Variants in MBNL1 observed in about 807,000 individuals in gnomAD.
MBNL1 encodes the protein muscleblind like splicing regulator 1, also known as muscleblind-like protein 1.
A neutral mutation model predicts 42.2 loss-of-function variants in MBNL1; 8 were observed. The observed-to-expected ratio is 0.19, with a 90% CI of 0.11 to 0.34. The LOEUF is 0.34. Among genes scored for constraint, MBNL1 ranks in the 10% least tolerant of loss-of-function variants. The pLI is 1.00. For missense variants in MBNL1, 309 were observed against 495.3 expected (o/e 0.62, Z 3.57); for synonymous variants, 169 against 173.9 (o/e 0.97, Z 0.22).
At chr3:152,425,972 A>G (rs2098923997) in intron 3 of MBNL1, among the ~76,000 whole-genome samples, 1 of 152,220 alleles carries the variant, frequency 6.6e-6, no homozygotes, top group African/African-American at 2.4e-5. Flanking sequence ...GATAGACTGG[A>G]TAAAGAAAAT....
intron 1 of MBNL1, among the ~76,000 whole-genome samples, chr3:152,283,374 G>A (rs1360197968): frequency 6.6e-6 from 1 of 152,122 alleles, no homozygotes; most frequent in African/African-American, 2.4e-5. Flanking sequence ...CATCAGATAG[G>A]ACTGTTGTTG....
At chr3:152,430,590 A>C (rs761097455) in intron 3 of MBNL1, among the ~76,000 whole-genome samples, 5 of 152,224 alleles carry the variant, frequency 3.3e-5, no homozygotes, top group Non-Finnish European at 7.3e-5. Flanking sequence ...ATGTATAACA[A>C]AGTACAAGTT....
At chr3:152,420,326 C>G (rs1428724622) in intron 3 of MBNL1, among the ~76,000 whole-genome samples, 1 of 152,202 alleles carries the variant, frequency 6.6e-6, no homozygotes. Flanking sequence ...GACTGGGAGA[C>G]ACCTCCCAGC....
chr3:152,250,822 G>A (rs941279571), intron 2 of MBNL1, among the ~76,000 whole-genome samples: 3 of 151,802 alleles, frequency 2.0e-5, no homozygotes, highest in East Asian at 1.9e-4. Context: ...GAGAGTTTTT[G>A]GCATGAAGGG....
At chr3:152,255,830 G>A (rs1025179706) in intron 2 of MBNL1, among the ~76,000 whole-genome samples, 2 of 152,108 alleles carry the variant, frequency 1.3e-5, no homozygotes, top group African/African-American at 4.8e-5. Context: ...ACAGTGAGAG[G>A]ATTGAGAGCA....
chr3:152,445,464 A>G lies in MBNL1; in HGVS notation c.732A>G (p.Gln244=), dbSNP rs1278417709. ...CKYFHPPAHL[Q]AKIKAAQYQV... Reference sequence around the variant, plus strand: ...ACTTTCATCCCCCTGCACATTTGCAAGCCAAGATCAAGGCTGCCCAATACC... The same window carrying G: ...ACTTTCATCCCCCTGCACATTTGCAGGCCAAGATCAAGGCTGCCCAATACC... Residue 244 remains glutamine (Q), a synonymous_variant, in exon 5 of 10, where the codon CAA becomes CAG. Transcript: ENST00000324210. The G allele has an allele frequency of 6.2e-7, 1 of 1,613,488 alleles. No homozygotes were observed. The highest frequency in any genetic ancestry group is 8.5e-7 in the Non-Finnish European group (1 of 1,179,574).
intron 2 of MBNL1, among the ~76,000 whole-genome samples, chr3:152,357,387 T>C (rs191499049): frequency 6.6e-6 from 1 of 152,350 alleles, no homozygotes; most frequent in Non-Finnish European, 1.5e-5. Context: ...CCATGATTAC[T>C]TCAAATGGCT....
intron 2 of MBNL1, among the ~76,000 whole-genome samples, chr3:152,383,469 A>G (rs1251362521): frequency 1.3e-5 from 2 of 152,090 alleles, no homozygotes; most frequent in Non-Finnish European, 1.5e-5. Flanking sequence ...AACAACAAAG[A>G]TATGAAAACC....
intron 2 of MBNL1, among the ~76,000 whole-genome samples, chr3:152,341,820 C>T (rs1305616646): frequency 6.6e-6 from 1 of 151,848 alleles, no homozygotes; most frequent in Non-Finnish European, 1.5e-5. Context: ...AGGGATGAGC[C>T]CAGATAGTGA....
intron 4 of MBNL1, among the ~76,000 whole-genome samples, chr3:152,444,595 T>C (rs911552706): frequency 1.3e-5 from 2 of 152,218 alleles, no homozygotes; most frequent in African/African-American, 2.4e-5. Flanking sequence ...ATTAATATCT[T>C]ACATAACTGT....
intron 2 of MBNL1, among the ~76,000 whole-genome samples, chr3:152,316,823 G>T (rs770753514): frequency 3.3e-5 from 5 of 152,046 alleles, no homozygotes; most frequent in Admixed American, 6.5e-5. Flanking sequence ...GATAGAGCTG[G>T]CTTTGCCTTC....
chr3:152,290,045 A>T (rs1224239925), intron 1 of MBNL1, among the ~76,000 whole-genome samples: 1 of 152,000 alleles, frequency 6.6e-6, no homozygotes, highest in Non-Finnish European at 1.5e-5. Flanking sequence ...TTTCATAATG[A>T]TTAATAGTTA....
intron 2 of MBNL1, among the ~76,000 whole-genome samples, chr3:152,249,589 G>C (rs2034123722): frequency 6.8e-6 from 1 of 147,968 alleles, no homozygotes; most frequent in Non-Finnish European, 1.5e-5. Flanking sequence ...TCTGATGGTA[G>C]TTTCTTTTGC....
At chr3:152,435,421 C>G (rs2099065925) in intron 4 of MBNL1, among the ~76,000 whole-genome samples, 2 of 152,156 alleles carry the variant, frequency 1.3e-5, no homozygotes, top group Admixed American at 1.3e-4. Flanking sequence ...GCACCAGTAC[C>G]ATGCTGTTTG....
chr3:152,436,834 A>G (rs143874315), intron 4 of MBNL1, among the ~76,000 whole-genome samples: 214 of 152,304 alleles, frequency 1.4e-3, no homozygotes, highest in African/African-American at 4.9e-3. Flanking sequence ...AACGGTTACA[A>G]CTGCATCAAC....
upstream of MBNL1, chr3:152,263,867 G>A (rs1470044439): frequency 6.6e-6 from 1 of 151,244 alleles, no homozygotes; most frequent in Non-Finnish European, 1.5e-5. Context: ...CCTCTTCCTT[G>A]ACTGTAAGCT....
intron 2 of MBNL1, among the ~76,000 whole-genome samples, chr3:152,414,060 A>T (rs769242234): frequency 1.3e-5 from 2 of 152,042 alleles, no homozygotes; most frequent in Non-Finnish European, 2.9e-5. Context: ...AGATTACTAA[A>T]CATGTATGAT....
intron 2 of MBNL1, among the ~76,000 whole-genome samples, chr3:152,324,467 C>T (rs1474525139): frequency 6.6e-6 from 1 of 152,086 alleles, no homozygotes; most frequent in African/African-American, 2.4e-5. Flanking sequence ...TATGTCGAGA[C>T]CTCTTCCCAA....
Position 152,432,733 on chromosome 3 carries a change from C to T in MBNL1, c.362C>T (p.Ala121Val), listed in dbSNP as rs1450523953. ...ATTTTTCAGCCAATGTTTTCAGTTG[C>T]ACCAAGCTTAGCCACCAATGCATCA... The part of the protein sequence containing the change: ...PLQPVPMFSV[A>V]PSLATNASAA... Residue 121 changes from alanine to valine, a missense_variant, in exon 4 of 10, where the codon GCA becomes GTA. Transcript: ENST00000324210. 1 of 1,614,170 alleles carries T rather than the reference C, an allele frequency of 6.2e-7. No homozygotes were observed. The highest frequency in any genetic ancestry group is 8.5e-7 in the Non-Finnish European group (1 of 1,180,012).
Sources: gnomAD v4.1 joint callset for allele counts (sites outside exome capture counted in the v4.1 genomes callset) on GRCh38, gnomAD v4.1.1 for gene constraint, MANE v1.5 for transcripts, NCBI Gene and HGNC (gene_info 2026-07-23, HGNC 2026-07-21) for gene names.